The following DCAF5 variants were observed in gnomAD, a reference collection of about 807,000 sequenced individuals.
DCAF5 encodes DDB1- and CUL4-associated factor 5.
DCAF5 carries 9 observed loss-of-function variants against 80.7 expected under a neutral mutation model. The ratio of observed to expected loss-of-function variants is 0.11; its 90% CI spans 0.07 to 0.19. The LOEUF (loss-of-function observed/expected upper bound fraction) is 0.19, where lower values mean the gene tolerates loss of function less well. Among genes scored for constraint, DCAF5 ranks in the 10% least tolerant of loss-of-function variants. The pLI is 1.00. For synonymous variants in DCAF5, 433 were observed against 461.9 expected, an observed-to-expected ratio of 0.94 and a Z score of 0.80; for missense variants, 842 against 1,205.7, an observed-to-expected ratio of 0.70 and a Z score of 4.47.
At chr14:69,143,617 T>C (rs74765133) in intron 1 of DCAF5, among the ~76,000 whole-genome samples, 242 of 146,704 alleles carry the variant, frequency 1.6e-3, no homozygotes, top group African/African-American at 5.8e-3. Flanking sequence ...GGGCGAGGCA[T>C]TCCTTAATTT....
chr14:69,058,024 T>C (rs781092744), intron 8 of DCAF5, among the ~76,000 whole-genome samples: 5 of 152,208 alleles, frequency 3.3e-5, no homozygotes, highest in Non-Finnish European at 7.4e-5. Flanking sequence ...CATTTGGCAA[T>C]TGAATGCCTC....
chr14:69,106,430 G>A (rs2040162678), intron 5 of DCAF5, among the ~76,000 whole-genome samples: 1 of 151,964 alleles, frequency 6.6e-6, no homozygotes, highest in Non-Finnish European at 1.5e-5. Flanking sequence ...GTGCAGTGGT[G>A]CAATCATGGC....
intron 5 of DCAF5, among the ~76,000 whole-genome samples, chr14:69,111,294 C>T (rs1297528527): frequency 2.0e-5 from 3 of 152,168 alleles, no homozygotes; most frequent in Non-Finnish European, 4.4e-5. Context: ...GGTCCCCAAA[C>T]CCAGAGAGAA....
At position 69,055,519 on chromosome 14, in the gene DCAF5, G is replaced by A. The variant is rs143069736; in HGVS notation, c.1167C>T (p.Tyr389=). The A allele has an allele frequency of 2.0e-5, 33 of 1,614,094 alleles. No homozygotes were observed. Among genetic ancestry groups the A allele is most frequent in the Non-Finnish European group, 2.7e-5 (32 of 1,180,040 alleles). ...DSRCLYTHEE[Y]ISLVLNSGSG... The stretch of plus-strand genomic sequence containing the variant: ...TCCCACTGTTCAGCACAAGGCTGAT[G>A]TACTCTTCATGGGTATAGAGGCAGC... Residue 389 remains tyrosine (Y), a synonymous_variant, in exon 9 of 9, where the codon TAC becomes TAT. Coordinates refer to ENST00000341516, the MANE Select transcript of DCAF5 (RefSeq NM_003861.3). This position sits in a 1 kb window ranked among gnomAD's most constrained non-coding sequence, Gnocchi z 5.6.
rs2037902848 is a variant in DCAF5, at chr14:69,055,016, T to C, written c.1670A>G (p.Asp557Gly). Residue 557 changes from aspartate (D) to glycine (G), a missense_variant, in exon 9 of 9, where the codon GAT (aspartate) becomes GGT (glycine). Transcript: ENST00000341516. This position sits in a 1 kb window ranked among gnomAD's most constrained non-coding sequence, Gnocchi z 5.6. ...AGAGCTGCTGGAACTGCTGGATTCA[T>C]CTTCGGGGCTGGGTGACCGTGGCCG... is the stretch of plus-strand genomic sequence containing the variant. ...FPRPRSPSPE[D>G]ESSSSSSSSS... 9 of 1,614,230 alleles carry C rather than the reference T, an allele frequency of 5.6e-6. No individual in the cohort carries two copies. Among genetic ancestry groups the C allele is most frequent in the Non-Finnish European group, 7.6e-6 (9 of 1,180,038 alleles).
At chr14:69,060,783 C>G (rs73277010) in intron 8 of DCAF5, among the ~76,000 whole-genome samples, 1,624 of 152,234 alleles carry the variant, frequency 0.011, 32 homozygotes, top group African/African-American at 0.037. Context: ...CCACTTGCCT[C>G]GGCCTCCCAG....
At chr14:69,139,518 A>C (rs558854034) in intron 1 of DCAF5, among the ~76,000 whole-genome samples, 1 of 151,940 alleles carries the variant, frequency 6.6e-6, no homozygotes, top group Admixed American at 6.5e-5. Context: ...GAAAAGAAAA[A>C]AAGAGAAAAG....
At chr14:69,077,913 G>T (rs1460136020) in intron 6 of DCAF5, among the ~76,000 whole-genome samples, 1 of 152,186 alleles carries the variant, frequency 6.6e-6, no homozygotes, top group Non-Finnish European at 1.5e-5. Flanking sequence ...GGTAATCAGG[G>T]CACAGTGGAA....
In DCAF5 at chr14:69,053,605, C is replaced by T. The variant is rs1306114578; in HGVS notation, c.*252G>A. ...AGCCTTGCGCGGCACACTACGCTCACGTCTCACTAGAAAGGAGTCACTTGG... is the reference window on the plus strand; with the variant it reads ...AGCCTTGCGCGGCACACTACGCTCATGTCTCACTAGAAAGGAGTCACTTGG... On this transcript the variant is annotated 3_prime_UTR_variant, in exon 9 of 9. Coordinates refer to ENST00000341516, the MANE Select transcript of DCAF5 (RefSeq NM_003861.3). 1.5e-5 allele frequency: 7 copies of T among 471,576 alleles called. No homozygotes were observed. Among genetic ancestry groups the T allele is most frequent in the South Asian group, 5.7e-5 (2 of 35,190 alleles). The allele number at this position is 471,576 out of a possible 1,614,324, so 29.2% of individuals were successfully genotyped here. A position where few individuals can be genotyped will look rare whatever the true frequency, so the allele number is the denominator to read the frequency against.
chr14:69,112,981 A>G (rs984313427), intron 5 of DCAF5, among the ~76,000 whole-genome samples: 4 of 152,092 alleles, frequency 2.6e-5, no homozygotes, highest in Admixed American at 1.3e-4. Context: ...TACAATGAGG[A>G]AGTCTGATCA....
chr14:69,070,014 G>A (rs2038622758), intron 7 of DCAF5, among the ~76,000 whole-genome samples: 1 of 152,166 alleles, frequency 6.6e-6, no homozygotes, highest in Non-Finnish European at 1.5e-5. Flanking sequence ...GTTGGTGGTG[G>A]TATTATCCTT....
At position 69,054,594 on chromosome 14, in the gene DCAF5, G is replaced by A. The variant is rs908070174; in HGVS notation, c.2092C>T (p.His698Tyr). The A allele has an allele frequency of 2.5e-6, 4 of 1,614,020 alleles. No individual in the cohort carries two copies. The highest frequency in any genetic ancestry group is 2.7e-5 in the African/African-American group (2 of 74,920). The change falls in exon 9 of 9, where the codon CAC becomes TAC. Residue 698 changes from histidine to tyrosine, a missense_variant. Physicochemically the swap from His to Tyr is moderately conservative, Grantham distance 83. Coordinates refer to ENST00000341516, the MANE Select transcript of DCAF5 (RefSeq NM_003861.3). ...EADEGRAGTS[H>Y]KDNPAPSSSK... ...GAAGAAGGGGCTGGGTTGTCTTTGT[G>A]GCTGGTTCCTGCTCTCCCTTCATCT... is the stretch of plus-strand genomic sequence containing the variant.
At chr14:69,149,834 G>C (rs2041648178) in intron 1 of DCAF5, among the ~76,000 whole-genome samples, 2 of 152,216 alleles carry the variant, frequency 1.3e-5, no homozygotes, top group Admixed American at 1.3e-4. Flanking sequence ...ATTAGCCTCA[G>C]AATACTGTGC....
chr14:69,069,218 C>G (rs902612040), intron 7 of DCAF5, among the ~76,000 whole-genome samples: 25 of 152,174 alleles, frequency 1.6e-4, no homozygotes, highest in Non-Finnish European at 1.5e-5. Flanking sequence ...CTGTTTCCAG[C>G]CTACTTCATC....
Position 69,054,262 on chromosome 14 carries a change from C to A in DCAF5, c.2424G>T (p.Gly808=). 6.2e-7 allele frequency: 1 copy of A among 1,614,252 alleles called. No individual in the cohort carries two copies. The highest frequency in any genetic ancestry group is 8.5e-7 in the Non-Finnish European group (1 of 1,180,040). ...ACTGGGTCCTGGGACAGTTGCCAGA[C>A]CCGCTGTTGAGAGTGGAGCCAGATG... The part of the protein sequence containing the change: ...PKASGSTLNS[G]SGNCPRTQSD... Residue 808 remains glycine, a synonymous_variant, in exon 9 of 9, where the codon GGG becomes GGT. Coordinates refer to ENST00000341516, the MANE Select transcript of DCAF5 (RefSeq NM_003861.3).
chr14:69,057,574 T>A (rs538861184), intron 8 of DCAF5, among the ~76,000 whole-genome samples: 1 of 152,304 alleles, frequency 6.6e-6, no homozygotes, highest in East Asian at 1.9e-4. Flanking sequence ...ACTACCCAGC[T>A]CCTACATTTT....
chr14:69,093,117 A>G lies in DCAF5; in HGVS notation c.666-1230T>C, dbSNP rs183392302. 1.1e-3 allele frequency among the ~76,000 whole-genome samples: 161 copies of G among 152,316 alleles called. 3 individuals are homozygous for G. Among genetic ancestry groups the G allele is most frequent in the Admixed American group, 9.3e-3 (143 of 15,296 alleles). ...TTGGGGGTGGTAAGTGTGATCTTTC[A>G]GGCAGTAAAGATCACTATTTTATTA... On this transcript the variant is annotated intron_variant, in intron 5 of 8. Coordinates refer to ENST00000341516, the MANE Select transcript of DCAF5 (RefSeq NM_003861.3).
At chr14:69,109,205 G>T (rs376335992) in intron 5 of DCAF5, among the ~76,000 whole-genome samples, 1 of 151,942 alleles carries the variant, frequency 6.6e-6, no homozygotes, top group Non-Finnish European at 1.5e-5. Context: ...TTAGCCGGGC[G>T]TGGTGGCGGG....
chr14:69,086,971 A>T (rs972220694), intron 6 of DCAF5, among the ~76,000 whole-genome samples: 1 of 152,220 alleles, frequency 6.6e-6, no homozygotes, highest in Non-Finnish European at 1.5e-5. Flanking sequence ...TTTTGTGTAC[A>T]TCCTACTTTC....
Sources: allele counts gnomAD v4.1 joint callset (sites outside exome capture counted in the v4.1 genomes callset), GRCh38; gene constraint gnomAD v4.1.1; non-coding constraint Gnocchi (gnomAD v3.1); transcripts MANE v1.5; gene names NCBI Gene and HGNC (gene_info 2026-07-23, HGNC 2026-07-21).